The following PDE10A variants were observed in gnomAD, a reference collection of about 807,000 sequenced individuals.
PDE10A encodes cAMP and cAMP-inhibited cGMP 3',5'-cyclic phosphodiesterase 10A.
A neutral mutation model predicts 97.7 loss-of-function variants in PDE10A; 39 were observed. The observed-to-expected ratio is 0.40, with a 90% CI of 0.31 to 0.52. The LOEUF (loss-of-function observed/expected upper bound fraction) is 0.52, where lower values mean the gene tolerates loss of function less well. PDE10A is among the 20% of genes least tolerant of loss of function. The pLI is 0.56. For missense variants in PDE10A, 731 were observed against 1,047.8 expected, an observed-to-expected ratio of 0.70 and a Z score of 4.17; for synonymous variants, 371 against 376.8, an observed-to-expected ratio of 0.98 and a Z score of 0.18.
chr6:165,489,574 C>G (rs1190552212), intron 2 of PDE10A, among the ~76,000 whole-genome samples: 1 of 152,096 alleles, frequency 6.6e-6, no homozygotes, highest in Admixed American at 6.6e-5. Context: ...ACTAGCTCAC[C>G]AGCAATGGAT....
intron 2 of PDE10A, among the ~76,000 whole-genome samples, chr6:165,540,566 A>G (rs112015148): frequency 0.015 from 2,302 of 152,274 alleles, 60 homozygotes; most frequent in African/African-American, 0.053. Flanking sequence ...CCTCTCCACA[A>G]AAATTTTCTT....
intron 3 of PDE10A, among the ~76,000 whole-genome samples, chr6:165,461,294 T>C (rs1778314066): frequency 6.6e-6 from 1 of 152,192 alleles, no homozygotes; most frequent in African/African-American, 2.4e-5. Flanking sequence ...TTGTTTGCTA[T>C]CCCTTTAGCT....
intron 1 of PDE10A, among the ~76,000 whole-genome samples, chr6:165,576,180 T>C (rs1039100144): frequency 6.6e-6 from 1 of 152,200 alleles, no homozygotes; most frequent in Admixed American, 6.5e-5. Context: ...CCATCCAGTA[T>C]GAAACACTGT....
chr6:165,622,111 A>C (rs1034902838), intron 1 of PDE10A, among the ~76,000 whole-genome samples: 9 of 152,116 alleles, frequency 5.9e-5, no homozygotes, highest in African/African-American at 1.9e-4. Flanking sequence ...ACACGGAAAC[A>C]CTGGCTGAGG....
At chr6:165,643,071 A>G (rs1789216806) in intron 1 of PDE10A, among the ~76,000 whole-genome samples, 1 of 152,222 alleles carries the variant, frequency 6.6e-6, no homozygotes, top group Admixed American at 6.5e-5. Context: ...TTTCTGTCTG[A>G]AAAGGTTATT....
intron 18 of PDE10A, among the ~76,000 whole-genome samples, chr6:165,365,847 CAGAA>C (rs1361433030): frequency 2.0e-5 from 3 of 152,126 alleles, no homozygotes; most frequent in East Asian, 1.9e-4. Context: ...TCTTCCAGAT[CAGAA>C]AGAAAGATCA....
chr6:165,715,771 G>A lies in PDE10A; in HGVS notation c.-614-172203C>T, dbSNP rs4438941. Reference sequence around the variant, plus strand: ...GGACCCTCAATCACTCGACAGTAGGGGGACGTCCCTCTTCCGGGCACCGTG... The same window carrying A: ...GGACCCTCAATCACTCGACAGTAGGAGGACGTCCCTCTTCCGGGCACCGTG... On this transcript the variant is annotated intron_variant, in intron 1 of 19. Coordinates refer to the PDE10A transcript ENST00000366882. Among the ~76,000 whole-genome samples the A allele has an allele frequency of 1.7e-3, 258 of 152,294 alleles. 1 individual carries two copies. Among genetic ancestry groups the A allele is most frequent in the African/African-American group, 5.8e-3 (241 of 41,572 alleles).
intron 18 of PDE10A, among the ~76,000 whole-genome samples, chr6:165,378,066 C>G (rs1047360406): frequency 3.3e-5 from 5 of 152,216 alleles, no homozygotes; most frequent in Admixed American, 2.0e-4. Flanking sequence ...AGTTGAATCA[C>G]AAATAACTGC....
At chr6:165,456,366 G>A (rs1307607655) in intron 3 of PDE10A, among the ~76,000 whole-genome samples, 2 of 152,184 alleles carry the variant, frequency 1.3e-5, no homozygotes, top group Admixed American at 6.5e-5. Flanking sequence ...TTTTCCACGT[G>A]GAAGAAAGAA....
chr6:165,808,777 A>G (rs1193038114), intron 1 of PDE10A, among the ~76,000 whole-genome samples: 1 of 152,238 alleles, frequency 6.6e-6, no homozygotes, highest in African/African-American at 2.4e-5. Context: ...CGGCATATGC[A>G]TGGGTCAAAA....
At chr6:165,534,617 T>C (rs532903249) in intron 2 of PDE10A, among the ~76,000 whole-genome samples, 1 of 152,200 alleles carries the variant, frequency 6.6e-6, no homozygotes, top group East Asian at 1.9e-4. Context: ...GCGGGATTCA[T>C]ATCTAAACAT....
chr6:165,984,703 A>T (rs1737603304), intron 1 of PDE10A, among the ~76,000 whole-genome samples: 1 of 151,464 alleles, frequency 6.6e-6, no homozygotes, highest in Non-Finnish European at 1.5e-5. Flanking sequence ...ACCAAATGCC[A>T]TTTTTTTTTT....
chr6:165,818,912 T>C (rs1779491423), intron 1 of PDE10A, among the ~76,000 whole-genome samples: 1 of 152,260 alleles, frequency 6.6e-6, no homozygotes, highest in African/African-American at 2.4e-5. Flanking sequence ...CAAATTAATC[T>C]TAACTCTTTA....
chr6:165,876,148 G>A (rs1781339855), intron 1 of PDE10A, among the ~76,000 whole-genome samples: 2 of 152,180 alleles, frequency 1.3e-5, no homozygotes, highest in African/African-American at 4.8e-5. Flanking sequence ...GACACACACT[G>A]GTGCTTCTAG....
At chr6:165,800,447 C>T (rs780050307) in intron 1 of PDE10A, among the ~76,000 whole-genome samples, 2 of 152,158 alleles carry the variant, frequency 1.3e-5, no homozygotes, top group African/African-American at 2.4e-5. Context: ...GCTGGAACTG[C>T]GGCCAGCTTT....
At chr6:165,587,635 G>A (rs1453757516) in intron 1 of PDE10A, among the ~76,000 whole-genome samples, 1 of 146,414 alleles carries the variant, frequency 6.8e-6, no homozygotes, top group Non-Finnish European at 1.5e-5. Context: ...CCCAATATTT[G>A]GGGGATTTCT....
At chr6:165,398,493 CTCTCTCA>C (rs947874705) in intron 13 of PDE10A, among the ~76,000 whole-genome samples, 8 of 101,118 alleles carry the variant, frequency 7.9e-5, no homozygotes, top group Admixed American at 9.7e-5. Context: ...CTCTCTCTCT[CTCTCTCA>C]AAAAAAAAAA....
intron 1 of PDE10A, among the ~76,000 whole-genome samples, chr6:165,861,937 C>T (rs892468867): frequency 1.3e-5 from 2 of 152,164 alleles, no homozygotes; most frequent in Non-Finnish European, 2.9e-5. Flanking sequence ...GCCCTTCAGA[C>T]TCTGACCAGG....
At chr6:165,367,332 A>G (rs1461807910) in intron 18 of PDE10A, among the ~76,000 whole-genome samples, 1 of 44,686 alleles carries the variant, frequency 2.2e-5, no homozygotes, top group Admixed American at 2.3e-4. Flanking sequence ...GAATATTAGG[A>G]AAAAAAACAG....
Sources: gnomAD v4.1 joint callset for allele counts (sites outside exome capture counted in the v4.1 genomes callset) on GRCh38, gnomAD v4.1.1 for gene constraint, MANE v1.5 for transcripts, NCBI Gene and HGNC (gene_info 2026-07-23, HGNC 2026-07-21) for gene names.